Variants in CDH9 observed in about 807,000 individuals in gnomAD.
CDH9 encodes cadherin-9.
Under a neutral mutation model 70.9 loss-of-function variants are expected in CDH9, and 28 were observed. That is an observed-to-expected ratio of 0.40 (90% CI 0.29 to 0.54). The LOEUF is 0.54. Among genes scored for constraint, CDH9 ranks in the 20% least tolerant of loss-of-function variants. CDH9 has a pLI of 0.59. For missense variants in CDH9, 874 were observed against 984.4 expected (o/e 0.89, Z 1.50); for synonymous variants, 409 against 343.1 (o/e 1.19, Z -2.12).
At chr5:26,960,050 A>G (rs966370257) in intron 2 of CDH9, among the ~76,000 whole-genome samples, 2 of 151,994 alleles carry the variant, frequency 1.3e-5, no homozygotes, top group Non-Finnish European at 2.9e-5. Flanking sequence ...TTTATGTAAC[A>G]TAGGAATTTG....
chr5:26,951,945 A>ATTTATTTTATTTTATTTTATTTTAT lies in CDH9; in HGVS notation c.229-36046_229-36022dup, dbSNP rs70939787. On this transcript the variant is annotated intron_variant, in intron 2 of 11. Coordinates refer to ENST00000231021, the MANE Select transcript of CDH9 (RefSeq NM_016279.4). ...GTCCCCTTTCAACACTCATGTTAAA[A>ATTTATTTTATTTTATTTTATTTTAT]TTTATTTTATTTTATTTTATTTTAT... Among the ~76,000 whole-genome samples the ATTTATTTTATTTTATTTTATTTTAT allele has an allele frequency of 7.1e-3, 843 of 119,322 alleles. 18 individuals carry two copies. The highest frequency in any genetic ancestry group is 8.2e-3 in the Non-Finnish European group (474 of 58,134). The allele number at this position is 119,322 out of a possible 152,430, so 78.3% of individuals were successfully genotyped here.
chr5:26,995,360 T>A (rs1742648699), intron 1 of CDH9, among the ~76,000 whole-genome samples: 2 of 151,996 alleles, frequency 1.3e-5, no homozygotes, highest in Admixed American at 1.3e-4. Context: ...ACATTCAGGG[T>A]TTTTTTCCCC....
At position 26,902,577 on chromosome 5, in the gene CDH9, A is replaced by T. The variant is rs1395307306; in HGVS notation, c.1152T>A (p.Thr384=). Residue 384 remains threonine, a synonymous_variant, in exon 7 of 12, where the codon ACT becomes ACA. Transcript: ENST00000231021. The part of the protein sequence containing the change: ...VEDIDEPPVF[T]KVSYLIEVDE... The stretch of plus-strand genomic sequence containing the variant: ...CTACTTCTATCAAGTAAGAGACTTT[A>T]GTGAACACAGGAGGCTCATCTATAT... 6.3e-7 allele frequency: 1 copy of T among 1,597,748 alleles called. No individual in the cohort carries two copies. The highest frequency in any genetic ancestry group is 1.7e-5 in the Admixed American group (1 of 59,852).
At chr5:26,903,126 G>A (rs1052217340) in intron 6 of CDH9, 1 of 203,424 alleles carries the variant, frequency 4.9e-6, no homozygotes, top group Non-Finnish European at 9.9e-6. Context: ...TTGAGCACTT[G>A]TGGAAAGTAA....
intron 2 of CDH9, among the ~76,000 whole-genome samples, chr5:26,985,691 C>T (rs1370547863): frequency 6.6e-6 from 1 of 152,064 alleles, no homozygotes; most frequent in East Asian, 1.9e-4. Context: ...AGCTACTTAG[C>T]CTTTCCCAAT....
At chr5:26,915,954 T>A in intron 2 of CDH9, 30 bp from the exon 3 acceptor site, 1 of 1,450,402 alleles carries the variant, frequency 6.9e-7, no homozygotes, top group Non-Finnish European at 9.5e-7. Context: ...AAGAGTTCTG[T>A]AAATATATAC....
intron 3 of CDH9, among the ~76,000 whole-genome samples, chr5:26,911,032 T>C (rs1056489957): frequency 3.9e-5 from 6 of 152,206 alleles, no homozygotes; most frequent in African/African-American, 1.4e-4. Context: ...TTTATTTTAC[T>C]GTGAAATGCA....
rs1579675515 is a variant in CDH9, at chr5:26,906,606, A to G, written c.643+113T>C. 3.4e-5 allele frequency: 47 copies of G among 1,392,896 alleles called. No homozygotes were observed. In the South Asian group the frequency reaches 6.2e-4, roughly 18 times the overall value. The allele number at this position is 1,392,896 out of a possible 1,614,324, so 86.3% of individuals were successfully genotyped here. The stretch of plus-strand genomic sequence containing the variant: ...CATCCAATAATGACAGGAAACAAAT[A>G]GAAACATGAAACTGAAAGAATAATG... On this transcript the variant is annotated intron_variant, in intron 4 of 11. Transcript: ENST00000231021.
At chr5:26,982,551 A>C (rs1359665159) in intron 2 of CDH9, among the ~76,000 whole-genome samples, 1 of 152,200 alleles carries the variant, frequency 6.6e-6, no homozygotes, top group Non-Finnish European at 1.5e-5. Flanking sequence ...AATTTTGAGT[A>C]AACCTATATT....
chr5:26,889,612 CAT>C (rs1178927953), intron 9 of CDH9, among the ~76,000 whole-genome samples: 16 of 151,990 alleles, frequency 1.1e-4, no homozygotes, highest in African/African-American at 3.9e-4. Flanking sequence ...TAAATTAAAA[CAT>C]ATGTTATAAT....
intron 7 of CDH9, among the ~76,000 whole-genome samples, chr5:26,897,363 C>CA (rs1483113493): frequency 2.0e-5 from 3 of 152,032 alleles, no homozygotes; most frequent in African/African-American, 7.2e-5. Flanking sequence ...AGAGACACAA[C>CA]AAAAAAAGAA....
At chr5:27,009,739 TTC>T (rs1742925387) in intron 1 of CDH9, among the ~76,000 whole-genome samples, 1 of 152,114 alleles carries the variant, frequency 6.6e-6, no homozygotes, top group African/African-American at 2.4e-5. Flanking sequence ...GCCTGGTGGT[TTC>T]TCTGGCAGGA....
chr5:26,977,578 T>C (rs1442009161), intron 2 of CDH9, among the ~76,000 whole-genome samples: 1 of 151,412 alleles, frequency 6.6e-6, no homozygotes, highest in East Asian at 1.9e-4. Context: ...TAAAAAGAAT[T>C]CTACATTAAT....
intron 1 of CDH9, among the ~76,000 whole-genome samples, chr5:27,026,854 T>A (rs1743228962): frequency 1.3e-5 from 2 of 152,036 alleles, no homozygotes; most frequent in African/African-American, 4.8e-5. Flanking sequence ...AAGTATGCAA[T>A]CATTATTACC....
At position 26,928,288 on chromosome 5, in the gene CDH9, G is replaced by A. The variant is rs189129389; in HGVS notation, c.229-12364C>T. 1.1e-4 allele frequency among the ~76,000 whole-genome samples: 17 copies of A among 152,052 alleles called. No homozygotes were observed. The East Asian group carries it at 3.3e-3, about 29-fold the overall frequency. On this transcript the variant is annotated intron_variant, in intron 2 of 11. Coordinates refer to ENST00000231021, the MANE Select transcript of CDH9 (RefSeq NM_016279.4). ...TAAAATACATAAGAGTTTACCTCACGAAAGAAGTGAGAGATCTCTGCAATA... is the reference window on the plus strand; with the variant it reads ...TAAAATACATAAGAGTTTACCTCACAAAAGAAGTGAGAGATCTCTGCAATA...
intron 11 of CDH9, among the ~76,000 whole-genome samples, chr5:26,883,040 CTTATATATATATATATATATATATATAT>C (rs1740493553): frequency 3.5e-5 from 1 of 28,378 alleles, no homozygotes; most frequent in Non-Finnish European, 6.0e-5. Context: ...TCAGGATCAT[CTTATATATATATATATATATATATATAT>C]ATATATATAT....
chr5:26,905,852 A>G, intron 5 of CDH9, 107 bp downstream of exon 5: 1 of 779,736 alleles, frequency 1.3e-6, no homozygotes, highest in Non-Finnish European at 2.1e-6. Flanking sequence ...TTTTTTCTTT[A>G]TGCATAAACC....
chr5:26,922,390 A>C (rs537842787), intron 2 of CDH9, among the ~76,000 whole-genome samples: 2 of 152,150 alleles, frequency 1.3e-5, no homozygotes, highest in Non-Finnish European at 2.9e-5. Context: ...CTGGCAACAG[A>C]TATCTCAGTG....
chr5:26,992,965 G>T (rs893851206), intron 1 of CDH9, among the ~76,000 whole-genome samples: 1 of 151,884 alleles, frequency 6.6e-6, no homozygotes, highest in Non-Finnish European at 1.5e-5. Flanking sequence ...GTGTAGTGGC[G>T]CATGCCTGTA....
Sources: gnomAD v4.1 joint callset for allele counts (sites outside exome capture counted in the v4.1 genomes callset) on GRCh38, gnomAD v4.1.1 for gene constraint, MANE v1.5 for transcripts, NCBI Gene and HGNC (gene_info 2026-07-23, HGNC 2026-07-21) for gene names.